Variants in PCDHA4 observed in about 807,000 individuals in gnomAD.
PCDHA4 encodes protocadherin alpha-4.
A neutral mutation model predicts 61.4 loss-of-function variants in PCDHA4; 49 were observed. That is an observed-to-expected ratio of 0.80 (90% CI 0.63 to 1.01). PCDHA4 has a LOEUF of 1.01. Among genes scored for constraint, PCDHA4 ranks in the 50% least tolerant of loss-of-function variants. The probability of loss-of-function intolerance (pLI) is 0.00; values close to 1 mark genes in which losing one functional copy is unlikely to be tolerated. For missense variants in PCDHA4, 1,254 were observed against 1,235.8 expected, an observed-to-expected ratio of 1.01 and a Z score of -0.22; for synonymous variants, 590 against 550.3, an observed-to-expected ratio of 1.07 and a Z score of -1.01.
At chr5:140,995,082 C>G (rs145784301) in intron 3 of PCDHA4, among the ~76,000 whole-genome samples, 5 of 152,334 alleles carry the variant, frequency 3.3e-5, no homozygotes, top group Admixed American at 3.3e-4. Context: ...GCAATCCAAA[C>G]TTATCTGTGG....
chr5:140,940,253 A>G (rs1216858680), intron 1 of PCDHA4, among the ~76,000 whole-genome samples: 1 of 152,124 alleles, frequency 6.6e-6, no homozygotes, highest in Middle Eastern at 3.2e-3. Context: ...CCTCCTCAAT[A>G]TCTTCTGGGT....
Position 140,829,867 on chromosome 5 carries a change from G to A in PCDHA4, c.2385+20295G>A, listed in dbSNP as rs1199530922. ...CACTGGGTGCAGGCCAAGTGGTGGCGAAGGTGCGCGCAGTTGACGCCGACT... is the reference window on the plus strand; with the variant it reads ...CACTGGGTGCAGGCCAAGTGGTGGCAAAGGTGCGCGCAGTTGACGCCGACT... On this transcript the variant is annotated intron_variant, in intron 1 of 3. Transcript: ENST00000530339. The A allele has an allele frequency of 5.0e-6, 8 of 1,613,830 alleles. No homozygotes were observed. In the African/African-American group the frequency reaches 9.3e-5, roughly 19 times the overall value.
At chr5:140,813,867 C>G (rs1403539115) in intron 1 of PCDHA4, 7 of 152,244 alleles carry the variant, frequency 4.6e-5, no homozygotes, top group African/African-American at 1.4e-4. Context: ...GGTGTGGTGA[C>G]ACACACTTGT....
At position 140,842,920 on chromosome 5, in the gene PCDHA4, C is replaced by T. The variant is rs147542523; in HGVS notation, c.2385+33348C>T. 687 of 1,594,406 alleles carry T rather than the reference C, an allele frequency of 4.3e-4. 58 individuals are homozygous for T. Among genetic ancestry groups the T allele is most frequent in the South Asian group, 7.6e-4 (69 of 90,466 alleles). On this transcript the variant is annotated intron_variant, in intron 1 of 3. Transcript: ENST00000530339. ...ACGAGGAGCTAGAGCTGCTGCAGTT[C>T]CAGGTGAGCGCGCGCGACGCGGGCG...
At chr5:140,828,520 C>G in intron 1 of PCDHA4, 4 of 1,614,198 alleles carry the variant, frequency 2.5e-6, no homozygotes, top group Middle Eastern at 1.6e-4. Flanking sequence ...TGCTGATTTA[C>G]GAATCTAGGC....
Position 140,849,847 on chromosome 5 carries a change from A to G in PCDHA4, c.2385+40275A>G, listed in dbSNP as rs2150453307. 2.4e-5 allele frequency: 39 copies of G among 1,598,408 alleles called. 5 individuals are homozygous for G. In the South Asian group the frequency reaches 2.8e-4, roughly 11 times the overall value. On this transcript the variant is annotated intron_variant, in intron 1 of 3. Transcript: ENST00000530339. ...GTGGAGGTGGCCGACGTGAACGACA[A>G]CGCACCAGCGTTCGCGCAGTCCGAG...
At chr5:140,915,503 G>T (rs1420993234) in intron 1 of PCDHA4, among the ~76,000 whole-genome samples, 1 of 152,062 alleles carries the variant, frequency 6.6e-6, no homozygotes, top group Non-Finnish European at 1.5e-5. Flanking sequence ...TAATACTGTG[G>T]TTTTTGCAGA....
chr5:140,843,077 G>A, intron 1 of PCDHA4: 1 of 1,595,414 alleles, frequency 6.3e-7, no homozygotes, highest in South Asian at 1.1e-5. Context: ...GCGGTCTGTG[G>A]GCGCGGGCCA....
At chr5:140,916,527 C>T (rs2077599616) in intron 1 of PCDHA4, among the ~76,000 whole-genome samples, 1 of 152,162 alleles carries the variant, frequency 6.6e-6, no homozygotes, top group Non-Finnish European at 1.5e-5. Context: ...CTGGGTCCTT[C>T]CCACCAAGGC....
At chr5:140,816,136 A>C (rs1554126988) in intron 1 of PCDHA4, 1 of 152,158 alleles carries the variant, frequency 6.6e-6, no homozygotes, top group Non-Finnish European at 1.5e-5. Flanking sequence ...TGTCATAATG[A>C]GTAGAGCAGC....
At chr5:140,876,394 C>T in intron 1 of PCDHA4, 1 of 1,613,826 alleles carries the variant, frequency 6.2e-7, no homozygotes, top group Non-Finnish European at 8.5e-7. Flanking sequence ...TTATGGTGAA[C>T]TGGATTTTGA....
intron 1 of PCDHA4, among the ~76,000 whole-genome samples, chr5:140,905,354 A>T (rs926429746): frequency 3.3e-5 from 5 of 152,030 alleles, no homozygotes; most frequent in Non-Finnish European, 5.9e-5. Context: ...TAAGTATTTG[A>T]CTATATTTCT....
chr5:140,814,170 GT>G (rs2126652408), intron 1 of PCDHA4: 1,547 of 151,808 alleles, frequency 0.01, 13 homozygotes, highest in Admixed American at 0.013. Context: ...TATTTTACAA[GT>G]TTTTTTGACT....
rs2150478834 is a variant in PCDHA4 at position 140,850,308 on chromosome 5, G to A, written c.2385+40736G>A. 1.9e-6 allele frequency: 3 copies of A among 1,597,160 alleles called. No individual in the cohort carries two copies. In the South Asian group the frequency reaches 3.3e-5, roughly 18 times the overall value. ...AGTGGACGCCGACTCGGGCTACAAC[G>A]CGTGGCTTTCATACGAGCTGCAGCC... On this transcript the variant is annotated intron_variant, in intron 1 of 3. Coordinates refer to ENST00000530339, the MANE Select transcript of PCDHA4 (RefSeq NM_018907.4).
rs2066634766 is a variant in PCDHA4, at chr5:140,898,278, G to A, written c.2386-80671G>A. The stretch of plus-strand genomic sequence containing the variant: ...AAGTCCTTGCCCATGCCTAAGTTCT[G>A]AATGGTAATGCCTAGGTTTTCTTCT... On this transcript the variant is annotated intron_variant, in intron 1 of 3. Transcript: ENST00000530339. Among the ~76,000 whole-genome samples, 8 of 152,194 alleles carry A rather than the reference G, an allele frequency of 5.3e-5. No individual in the cohort carries two copies. The South Asian group carries it at 1.7e-3, about 31-fold the overall frequency.
chr5:140,875,817 G>C lies in PCDHA4; in HGVS notation c.2385+66245G>C, dbSNP rs1262566792. 3 of 1,614,090 alleles carry C rather than the reference G, an allele frequency of 1.9e-6. No homozygotes were observed. The highest frequency in any genetic ancestry group is 2.7e-5 in the African/African-American group (2 of 74,930). On this transcript the variant is annotated intron_variant, in intron 1 of 3. Coordinates refer to ENST00000530339, the MANE Select transcript of PCDHA4 (RefSeq NM_018907.4). ...AGGTGATCGTGGACAGGCCGCTGCA[G>C]GTTTTCCATGTGGACGTGGAGGTGA...
At chr5:140,902,313 C>T (rs2069368502) in intron 1 of PCDHA4, among the ~76,000 whole-genome samples, 1 of 150,820 alleles carries the variant, frequency 6.6e-6, no homozygotes, top group African/African-American at 2.4e-5. Context: ...GCTGGGATTA[C>T]AGGTGTAACT....
In PCDHA4 at chr5:140,903,479, T is replaced by C. The variant is rs73266018; in HGVS notation, c.2386-75470T>C. On this transcript the variant is annotated intron_variant, in intron 1 of 3. Transcript: ENST00000530339. The stretch of plus-strand genomic sequence containing the variant: ...ACTTAAAATATTATTCCTTGCATTA[T>C]AGTTCTGAGCAGGTACCATAGATAA... Among the ~76,000 whole-genome samples, 476 of 152,354 alleles carry C rather than the reference T, an allele frequency of 3.1e-3. 2 individuals are homozygous for C. The highest frequency in any genetic ancestry group is 0.011 in the African/African-American group (456 of 41,586).
intron 1 of PCDHA4, among the ~76,000 whole-genome samples, chr5:140,978,440 T>G (rs1238163577): frequency 2.0e-5 from 3 of 152,244 alleles, no homozygotes; most frequent in African/African-American, 7.2e-5. Context: ...GCTGGTGTTA[T>G]GACTGGGCAC....
Sources: allele counts gnomAD v4.1 joint callset (sites outside exome capture counted in the v4.1 genomes callset), GRCh38; gene constraint gnomAD v4.1.1; transcripts MANE v1.5; gene names NCBI Gene and HGNC (gene_info 2026-07-23, HGNC 2026-07-21).